FRMD6: variants seen among roughly 807,000 people sequenced by gnomAD.
The protein encoded by FRMD6 is FERM domain-containing protein 6.
In FRMD6, 37 loss-of-function variants were observed where a neutral mutation model predicts 73.2. That is an observed-to-expected ratio of 0.51 (90% CI 0.39 to 0.66). The LOEUF is 0.66. Ranked by LOEUF, FRMD6 falls within the 30% of genes least tolerant of loss-of-function variation. The probability of loss-of-function intolerance (pLI) is 0.00; values close to 1 mark genes in which losing one functional copy is unlikely to be tolerated. For synonymous variants in FRMD6, 273 were observed against 282.2 expected, an observed-to-expected ratio of 0.97 and a Z score of 0.33; for missense variants, 714 against 780.5, an observed-to-expected ratio of 0.91 and a Z score of 1.02.
the FRMD6 span, among the ~76,000 whole-genome samples, chr14:51,451,654 T>C: frequency 6.6e-6 from 1 of 152,330 alleles, no homozygotes; most frequent in Non-Finnish European, 1.5e-5. Context: ...GTGCTGGAGT[T>C]ACAGGCGTGA....
intron 1 of FRMD6, among the ~76,000 whole-genome samples, chr14:51,520,074 T>C (rs1884860604): frequency 6.6e-6 from 1 of 152,188 alleles, no homozygotes; most frequent in Non-Finnish European, 1.5e-5. Flanking sequence ...AATACATATA[T>C]ATGTCAAAAA....
intron 2 of FRMD6, among the ~76,000 whole-genome samples, chr14:51,613,006 C>T (rs1255254618): frequency 2.0e-5 from 3 of 152,048 alleles, no homozygotes; most frequent in African/African-American, 7.2e-5. Context: ...GGTGCAATGG[C>T]TTGGAAGCAT....
intron 2 of FRMD6, among the ~76,000 whole-genome samples, chr14:51,634,623 A>C (rs1891473918): frequency 1.3e-5 from 2 of 152,180 alleles, no homozygotes; most frequent in South Asian, 4.1e-4. Flanking sequence ...AAAAAAAAAG[A>C]TAAATTTACT....
chr14:51,499,897 T>G (rs543579198), intron 1 of FRMD6, among the ~76,000 whole-genome samples: 2 of 152,168 alleles, frequency 1.3e-5, no homozygotes, highest in Non-Finnish European at 2.9e-5. Context: ...CTTGTTAAAT[T>G]GAAAATATTC....
intron 2 of FRMD6, among the ~76,000 whole-genome samples, chr14:51,573,829 T>C (rs1272097886): frequency 6.6e-6 from 1 of 152,172 alleles, no homozygotes; most frequent in Non-Finnish European, 1.5e-5. Context: ...AATCACCGTG[T>C]ATCAGTCAGA....
intron 2 of FRMD6, among the ~76,000 whole-genome samples, chr14:51,640,308 C>T (rs1483286126): frequency 7.9e-5 from 12 of 152,180 alleles, no homozygotes; most frequent in Admixed American, 7.9e-4. Flanking sequence ...TCAAATTAAA[C>T]ATTTCAGAAA....
intron 2 of FRMD6, among the ~76,000 whole-genome samples, chr14:51,590,030 C>T (rs967552599): frequency 3.0e-4 from 44 of 146,338 alleles, no homozygotes; most frequent in Admixed American, 2.6e-3. Flanking sequence ...ATCGTGCTAC[C>T]GCACTCCAGC....
At chr14:51,441,521 A>T in the FRMD6 span, among the ~76,000 whole-genome samples, 1 of 152,150 alleles carries the variant, frequency 6.6e-6, no homozygotes, top group South Asian at 2.1e-4. Context: ...ATTCTTTTAA[A>T]CTTTTATATG....
At chr14:51,618,433 C>G (rs145922779) in intron 2 of FRMD6, among the ~76,000 whole-genome samples, 1 of 152,296 alleles carries the variant, frequency 6.6e-6, no homozygotes, top group African/African-American at 2.4e-5. Context: ...ATTCTGGTTG[C>G]TTTGAGCAGA....
At chr14:51,644,431 G>A (rs945889560) in intron 2 of FRMD6, among the ~76,000 whole-genome samples, 16 of 149,972 alleles carry the variant, frequency 1.1e-4, no homozygotes, top group Middle Eastern at 3.4e-3. Flanking sequence ...TGATCTCTAC[G>A]TGTAATTTAT....
At chr14:51,607,515 T>G (rs1196272053) in intron 2 of FRMD6, among the ~76,000 whole-genome samples, 3 of 152,166 alleles carry the variant, frequency 2.0e-5, no homozygotes, top group African/African-American at 7.2e-5. Context: ...TTTTTCATCA[T>G]CCAATAATAC....
At chr14:51,557,601 C>T (rs1956565) in intron 1 of FRMD6, among the ~76,000 whole-genome samples, 125,094 of 152,140 alleles carry the variant, frequency 0.82, 51,731 homozygotes, top group African/African-American at 0.91. Context: ...CTGTACAACA[C>T]GGTTACTAGA....
intron 1 of FRMD6, among the ~76,000 whole-genome samples, chr14:51,688,521 T>C (rs1284352184): frequency 6.6e-6 from 1 of 152,216 alleles, no homozygotes; most frequent in Non-Finnish European, 1.5e-5. Context: ...TTCTATTTCA[T>C]TTATGCTTTG....
chr14:51,441,428 A>G, the FRMD6 span, among the ~76,000 whole-genome samples: 2 of 152,212 alleles, frequency 1.3e-5, no homozygotes, highest in Non-Finnish European at 2.9e-5. Flanking sequence ...CTTAGCATCC[A>G]ATCCTCAGAA....
chr14:51,598,864 A>G (rs1889862843), intron 2 of FRMD6, among the ~76,000 whole-genome samples: 1 of 152,120 alleles, frequency 6.6e-6, no homozygotes, highest in African/African-American at 2.4e-5. Flanking sequence ...ATACAAGTGC[A>G]TGTGTCTTTT....
chr14:51,465,213 T>C, the FRMD6 span, among the ~76,000 whole-genome samples: 1 of 152,234 alleles, frequency 6.6e-6, no homozygotes, highest in Admixed American at 6.5e-5. Flanking sequence ...TTTTTAGGTT[T>C]ACTAGAATGA....
chr14:51,677,316 GT>G (rs1466176941), intron 1 of FRMD6, among the ~76,000 whole-genome samples: 1 of 152,018 alleles, frequency 6.6e-6, no homozygotes, highest in Non-Finnish European at 1.5e-5. Context: ...TAAAGTTAAT[GT>G]TAAGATTCAT....
intron 1 of FRMD6, among the ~76,000 whole-genome samples, chr14:51,501,681 G>C (rs1199115345): frequency 6.6e-6 from 1 of 151,982 alleles, no homozygotes; most frequent in Non-Finnish European, 1.5e-5. Flanking sequence ...ATGAACCAAC[G>C]CATGCATGTT....
chr14:51,590,062 C>CAAAAA (rs529602796), intron 2 of FRMD6, among the ~76,000 whole-genome samples: 4 of 82,580 alleles, frequency 4.8e-5, no homozygotes, highest in African/African-American at 1.0e-4. Flanking sequence ...GAGCGAAACT[C>CAAAAA]AAAAAAAAAA....
Sources: gnomAD v4.1 joint callset for allele counts (sites outside exome capture counted in the v4.1 genomes callset) on GRCh38, gnomAD v4.1.1 for gene constraint, MANE v1.5 for transcripts, NCBI Gene and HGNC (gene_info 2026-07-23, HGNC 2026-07-21) for gene names.